SMCHD1: variants seen among roughly 807,000 people sequenced by gnomAD.
The protein encoded by SMCHD1 is structural maintenance of chromosomes flexible hinge domain containing 1.
In SMCHD1, 78 loss-of-function variants were observed where a neutral mutation model predicts 254.7. The observed-to-expected ratio is 0.31, with a 90% confidence interval of 0.26 to 0.37. SMCHD1 has a LOEUF of 0.37. Among genes scored for constraint, SMCHD1 ranks in the 10% least tolerant of loss-of-function variants. SMCHD1 has a pLI of 1.00. For missense variants in SMCHD1, 1,840 were observed against 2,408.1 expected (o/e 0.76, Z 4.94); for synonymous variants, 766 against 794.9 (o/e 0.96, Z 0.61).
chr18:2,689,008 A>G (rs976544494), intron 7 of SMCHD1, among the ~76,000 whole-genome samples: 5 of 152,072 alleles, frequency 3.3e-5, no homozygotes, highest in Non-Finnish European at 7.4e-5. Flanking sequence ...TGTATAATAA[A>G]ATTATAGAGT....
At chr18:2,777,064 C>T (rs1044489326) in intron 42 of SMCHD1, among the ~76,000 whole-genome samples, 7 of 67,516 alleles carry the variant, frequency 1.0e-4, no homozygotes, top group Non-Finnish European at 3.5e-4. Context: ...CCACCACCTC[C>T]CCCCCCCATA....
rs555725323 is a variant in SMCHD1 at position 2,732,085 on chromosome 18, A to G, written c.3049-180A>G. Among the ~76,000 whole-genome samples the G allele has an allele frequency of 3.9e-5, 6 of 152,358 alleles. No individual in the cohort carries two copies. The East Asian group carries it at 9.6e-4, about 24-fold the overall frequency. On this transcript the variant is annotated intron_variant, in intron 24 of 47. Coordinates refer to ENST00000320876, the MANE Select transcript of SMCHD1 (RefSeq NM_015295.3). ...TTATTTTAAGAATGTGGCCACTGCC[A>G]TTTATAACCTGATGGTATAAAATAC...
intron 34 of SMCHD1, among the ~76,000 whole-genome samples, chr18:2,754,845 A>G (rs1362282391): frequency 1.1e-4 from 17 of 149,758 alleles, no homozygotes; most frequent in Admixed American, 9.3e-4. Context: ...TTTTTAATGT[A>G]TAGTGTGAGG....
At chr18:2,670,197 C>T (rs1272791534) in intron 3 of SMCHD1, among the ~76,000 whole-genome samples, 1 of 152,154 alleles carries the variant, frequency 6.6e-6, no homozygotes, top group Admixed American at 6.6e-5. Context: ...CTGCTTTGTA[C>T]TTCTCTGACT....
intron 37 of SMCHD1, among the ~76,000 whole-genome samples, chr18:2,766,055 G>A (rs538490959): frequency 2.0e-4 from 30 of 146,394 alleles, no homozygotes; most frequent in Admixed American, 9.5e-4. Context: ...GTGCAGTGGC[G>A]CGATTGCCCC....
At chr18:2,691,208 A>G (rs999664328) in intron 7 of SMCHD1, among the ~76,000 whole-genome samples, 1 of 152,198 alleles carries the variant, frequency 6.6e-6, no homozygotes, top group Non-Finnish European at 1.5e-5. Context: ...CCATGATAAA[A>G]CTGGTGAAAA....
chr18:2,698,794 A>G (rs980528048), intron 10 of SMCHD1, among the ~76,000 whole-genome samples: 2 of 152,200 alleles, frequency 1.3e-5, no homozygotes, highest in African/African-American at 2.4e-5. Flanking sequence ...TAGAACTTGT[A>G]TAATACAAAG....
intron 1 of SMCHD1, among the ~76,000 whole-genome samples, chr18:2,662,052 G>A (rs943706044): frequency 2.8e-5 from 4 of 144,012 alleles, no homozygotes; most frequent in South Asian, 2.1e-4. Context: ...CCAGCTACTC[G>A]GGAGGCTGAG....
intron 37 of SMCHD1, 31 bp downstream of exon 37, chr18:2,763,820 A>C (rs2075825372): frequency 6.3e-7 from 1 of 1,591,204 alleles, no homozygotes; most frequent in South Asian, 1.1e-5. Flanking sequence ...GGTAGATAGA[A>C]TTTCTGTATT....
intron 42 of SMCHD1, among the ~76,000 whole-genome samples, chr18:2,777,396 A>G (rs1423311241): frequency 6.6e-6 from 1 of 152,206 alleles, no homozygotes; most frequent in Non-Finnish European, 1.5e-5. Context: ...ACAGGAAGAC[A>G]GGGGACATAG....
chr18:2,700,069 A>C (rs1007805273), intron 10 of SMCHD1, among the ~76,000 whole-genome samples: 2 of 152,232 alleles, frequency 1.3e-5, no homozygotes, highest in African/African-American at 2.4e-5. Flanking sequence ...ATTTCTAAAA[A>C]GTAAACTTAA....
chr18:2,708,346 G>A (rs2074569114), intron 17 of SMCHD1, among the ~76,000 whole-genome samples: 1 of 152,062 alleles, frequency 6.6e-6, no homozygotes, highest in Non-Finnish European at 1.5e-5. Flanking sequence ...GGTTCTGGGT[G>A]AGCCTTGCCT....
chr18:2,696,709 T>C (rs939377014), intron 8 of SMCHD1, among the ~76,000 whole-genome samples: 6 of 152,248 alleles, frequency 3.9e-5, no homozygotes, highest in Non-Finnish European at 8.8e-5. Flanking sequence ...TATATTTATT[T>C]GATGAATTAT....
intron 47 of SMCHD1, among the ~76,000 whole-genome samples, chr18:2,799,063 A>G (rs184270912): frequency 1.1e-4 from 17 of 152,314 alleles, no homozygotes; most frequent in African/African-American, 3.4e-4. Flanking sequence ...TCATATGTGT[A>G]TATATCAAAT....
chr18:2,797,934 A>T (rs1472049758), intron 47 of SMCHD1, among the ~76,000 whole-genome samples: 3 of 152,174 alleles, frequency 2.0e-5, no homozygotes, highest in African/African-American at 7.2e-5. Context: ...AAAGAAAGAA[A>T]ATAGGGAATG....
At chr18:2,719,499 A>G (rs370811843) in intron 19 of SMCHD1, among the ~76,000 whole-genome samples, 7 of 151,506 alleles carry the variant, frequency 4.6e-5, no homozygotes, top group South Asian at 4.2e-4. Context: ...GTGTTTCACT[A>G]TGTTGGCCAG....
At chr18:2,677,479 A>G (rs1423481315) in intron 5 of SMCHD1, among the ~76,000 whole-genome samples, 1 of 152,188 alleles carries the variant, frequency 6.6e-6, no homozygotes, top group Non-Finnish European at 1.5e-5. Context: ...AATTCACAGT[A>G]TTAAAGCATA....
At chr18:2,676,036 A>G (rs546584415) in intron 5 of SMCHD1, among the ~76,000 whole-genome samples, 18 of 152,230 alleles carry the variant, frequency 1.2e-4, no homozygotes, top group African/African-American at 3.6e-4. Flanking sequence ...TCTAATTTCT[A>G]TCAATATCAG....
chr18:2,720,309 A>G (rs958975045), intron 19 of SMCHD1, among the ~76,000 whole-genome samples: 1 of 152,100 alleles, frequency 6.6e-6, no homozygotes, highest in Non-Finnish European at 1.5e-5. Context: ...TAGTTTCTAA[A>G]ATCTCTTTTA....
Sources: allele counts gnomAD v4.1 joint callset (sites outside exome capture counted in the v4.1 genomes callset), GRCh38; gene constraint gnomAD v4.1.1; transcripts MANE v1.5; gene names NCBI Gene and HGNC (gene_info 2026-07-23, HGNC 2026-07-21).